ZNF789: variants seen among roughly 807,000 people sequenced by gnomAD.
The protein encoded by ZNF789 is zinc finger protein 789.
A neutral mutation model predicts 15.6 loss-of-function variants in ZNF789; 11 were observed. That is an observed-to-expected ratio of 0.70 (90% confidence interval 0.44 to 1.16). The LOEUF is 1.16. Among genes scored for constraint, ZNF789 ranks in the 50% most tolerant of loss-of-function variants. The pLI, the probability that ZNF789 is intolerant of heterozygous loss-of-function variation, is 0.00. For missense variants in ZNF789, 461 were observed against 512.6 expected (o/e 0.90, Z 0.97); for synonymous variants, 159 against 176.0 (o/e 0.90, Z 0.76).
chr7:99,473,295 T>C (rs1054256618), intron 1 of ZNF789, among the ~76,000 whole-genome samples: 1 of 152,112 alleles, frequency 6.6e-6, no homozygotes, highest in African/African-American at 2.4e-5. Context: ...AGATGAGCCG[T>C]GGTTGTTAGT....
At chr7:99,477,498 G>A (rs538157151) in intron 2 of ZNF789, among the ~76,000 whole-genome samples, 2 of 124,372 alleles carry the variant, frequency 1.6e-5, no homozygotes, top group East Asian at 2.1e-4. Context: ...ATGCCACCAC[G>A]CCTGGTTACT....
chr7:99,479,486 CAT>C lies in ZNF789; in HGVS notation c.25-174_25-173del, dbSNP rs1799505343. The stretch of plus-strand genomic sequence containing the variant: ...CGACCCCGTGGTATGGAAGCCAGCA[CAT>C]GTCTGGCCTGAGGGCCATCAGGCCT... On this transcript the variant is annotated intron_variant, in intron 2 of 4. Coordinates refer to ENST00000331410, the MANE Select transcript of ZNF789 (RefSeq NM_213603.3). The C allele has an allele frequency of 1.4e-5, 8 of 574,858 alleles. No homozygotes were observed. In the South Asian group the frequency reaches 1.4e-4, roughly 10 times the overall value. 35.6% of individuals were successfully genotyped at this position (574,858 alleles called of 1,614,324 possible). A position where few individuals can be genotyped will look rare whatever the true frequency, so the allele number is the denominator to read the frequency against.
At chr7:99,474,739 T>G (rs1584548407) in intron 1 of ZNF789, among the ~76,000 whole-genome samples, 1 of 152,088 alleles carries the variant, frequency 6.6e-6, no homozygotes, top group Non-Finnish European at 1.5e-5. Context: ...CTTGGAGCCA[T>G]TGATCAGGAT....
At position 99,479,642 on chromosome 7, in the gene ZNF789, T is replaced by C; in HGVS notation, c.25-19T>C. On this transcript the variant is annotated intron_variant, in intron 2 of 4. Transcript: ENST00000331410. ...GTTATTTTAAGAATTGCAGTTACCT[T>C]TATCAGCTACTTTTCCAGGAGCTGC... The C allele has an allele frequency of 6.3e-7, 1 of 1,579,374 alleles. No individual in the cohort carries two copies. The highest frequency in any genetic ancestry group is 8.6e-7 in the Non-Finnish European group (1 of 1,164,028).
At chr7:99,485,668 C>T (rs1799897720) in intron 4 of ZNF789, among the ~76,000 whole-genome samples, 1 of 152,044 alleles carries the variant, frequency 6.6e-6, no homozygotes, top group South Asian at 2.1e-4. Context: ...ATCATCTCTA[C>T]TAAAAATACA....
At chr7:99,476,534 TC>T (rs1799343129) in intron 2 of ZNF789, 54 bp downstream of exon 2, 2 of 1,604,536 alleles carry the variant, frequency 1.2e-6, no homozygotes, top group African/African-American at 1.3e-5. Context: ...CACCAGCAGC[TC>T]CTTCCTCAGA....
At chr7:99,475,318 C>A (rs1270953505) in intron 1 of ZNF789, among the ~76,000 whole-genome samples, 1 of 152,008 alleles carries the variant, frequency 6.6e-6, no homozygotes, top group African/African-American at 2.4e-5. Flanking sequence ...TCGCTTGAAC[C>A]CAGGAGGCGG....
intron 4 of ZNF789, among the ~76,000 whole-genome samples, chr7:99,484,574 C>T (rs774710326): frequency 3.3e-5 from 5 of 151,402 alleles, no homozygotes; most frequent in East Asian, 2.0e-4. Context: ...GAGCCGAGAT[C>T]GCGTCACTGC....
intron 3 of ZNF789, among the ~76,000 whole-genome samples, chr7:99,483,226 C>G: frequency 6.6e-6 from 1 of 151,414 alleles, no homozygotes; most frequent in South Asian, 2.1e-4. Context: ...AGTGAAACTC[C>G]GTCTCAAAAA....
intron 4 of ZNF789, 134 bp downstream of exon 4, chr7:99,484,277 C>A: frequency 1.6e-6 from 1 of 641,430 alleles, no homozygotes; most frequent in Non-Finnish European, 2.7e-6. Flanking sequence ...TCCCTACTGC[C>A]CTGTGAAGTG....
In ZNF789 at chr7:99,485,319, G is replaced by A. The variant is rs550004919; in HGVS notation, c.266-1157G>A. ...CATGTCCTGTGCATTTTAGGATGTT[G>A]AGTAGCAGCCCTGGCCTGCATCCAC... On this transcript the variant is annotated intron_variant, in intron 4 of 4. Transcript: ENST00000331410. 154 of 1,119,356 alleles carry A rather than the reference G, an allele frequency of 1.4e-4. No individual in the cohort carries two copies. In the African/African-American group the frequency reaches 2.1e-3, roughly 16 times the overall value. The allele number at this position is 1,119,356 out of a possible 1,614,324, so 69.3% of individuals were successfully genotyped here.
chr7:99,478,285 C>G, intron 2 of ZNF789: 1 of 1,289,274 alleles, frequency 7.8e-7, no homozygotes, highest in Non-Finnish European at 1.0e-6. Flanking sequence ...TGCGGGAATG[C>G]AGATGGCTGA....
At chr7:99,478,511 T>C (rs1054896469) in intron 2 of ZNF789, 7 of 502,682 alleles carry the variant, frequency 1.4e-5, no homozygotes, top group Non-Finnish European at 2.5e-5. Context: ...CATTTCCTGT[T>C]ACTGACCACT....
At chr7:99,486,321 A>C (rs1443884720) in intron 4 of ZNF789, among the ~76,000 whole-genome samples, 155 bp from the exon 5 acceptor site, 4 of 152,160 alleles carry the variant, frequency 2.6e-5, no homozygotes, top group Admixed American at 1.3e-4. Flanking sequence ...TCTCAAAAAA[A>C]AATTTCAGAG....
At position 99,486,510 on chromosome 7, in the gene ZNF789, T is replaced by G. The variant is rs148770610; in HGVS notation, c.300T>G (p.Thr100=). The G allele has an allele frequency of 1.7e-4, 280 of 1,613,046 alleles. No homozygotes were observed. The highest frequency in any genetic ancestry group is 5.0e-4 in the Middle Eastern group (3 of 6,056). The change falls in exon 5 of 5, where the codon ACT becomes ACG. Residue 100 remains threonine, a synonymous_variant. Transcript: ENST00000331410. ...CCAGACACAAGATGAAAAAGCTAAC[T>G]CCAAAACAGAAATTTTCTGAAGATT... is the stretch of plus-strand genomic sequence containing the variant. ...SEARHKMKKL[T]PKQKFSEDLE...
intron 2 of ZNF789, chr7:99,478,777 C>T (rs570869823): frequency 4.3e-5 from 8 of 186,356 alleles, no homozygotes; most frequent in South Asian, 1.9e-4. Context: ...CAGGCGTCTG[C>T]GCCTTGGTCT....
intron 3 of ZNF789, chr7:99,481,975 TC>T: frequency 1.7e-6 from 1 of 596,804 alleles, no homozygotes; most frequent in South Asian, 2.1e-5. Context: ...GAATCCCTTA[TC>T]CAAAATGCTG....
intron 1 of ZNF789, among the ~76,000 whole-genome samples, chr7:99,475,495 T>C (rs1393991324): frequency 6.6e-6 from 1 of 152,100 alleles, no homozygotes; most frequent in Non-Finnish European, 1.5e-5. Context: ...TTTAGAACAC[T>C]TTCAGAGGGG....
At chr7:99,476,534 T>C in intron 2 of ZNF789, 54 bp downstream of exon 2, 1 of 1,604,536 alleles carries the variant, frequency 6.2e-7, no homozygotes, top group South Asian at 1.1e-5. Flanking sequence ...CACCAGCAGC[T>C]CCTTCCTCAG....
Sources: allele counts gnomAD v4.1 joint callset (sites outside exome capture counted in the v4.1 genomes callset), GRCh38; gene constraint gnomAD v4.1.1; transcripts MANE v1.5; gene names NCBI Gene and HGNC (gene_info 2026-07-23, HGNC 2026-07-21).